WWOX: variants seen among roughly 807,000 people sequenced by gnomAD.
The protein encoded by WWOX is WW domain-containing oxidoreductase.
In WWOX, 69 loss-of-function variants were observed where a neutral mutation model predicts 46.2. That is an observed-to-expected ratio of 1.49 (90% CI 1.23 to 1.82). The LOEUF is 1.82. Among genes scored for constraint, WWOX ranks in the 40% most tolerant of loss-of-function variants. The probability of loss-of-function intolerance (pLI) is 0.00; values close to 1 mark genes in which losing one functional copy is unlikely to be tolerated. For synonymous variants in WWOX, 359 were observed against 202.6 expected (o/e 1.77, Z -6.56); for missense variants, 919 against 542.6 (o/e 1.69, Z -6.89).
At chr16:79,085,646 A>G (rs975551538) in intron 8 of WWOX, among the ~76,000 whole-genome samples, 8 of 152,346 alleles carry the variant, frequency 5.3e-5, no homozygotes, top group African/African-American at 1.9e-4. Flanking sequence ...TTTCAAAATT[A>G]TATCATCTTT....
intron 8 of WWOX, among the ~76,000 whole-genome samples, chr16:78,444,749 C>T (rs1476052144): frequency 6.6e-6 from 1 of 152,038 alleles, no homozygotes; most frequent in East Asian, 1.9e-4. Flanking sequence ...CCAGGATGGT[C>T]TCGATCTCCT....
chr16:78,832,967 C>G (rs1243825933), intron 8 of WWOX, among the ~76,000 whole-genome samples: 1 of 151,790 alleles, frequency 6.6e-6, no homozygotes, highest in Non-Finnish European at 1.5e-5. Context: ...GCTATGTCCC[C>G]ATTGGTGTTA....
intron 8 of WWOX, among the ~76,000 whole-genome samples, chr16:79,130,255 T>C (rs1193606200): frequency 6.6e-6 from 1 of 152,190 alleles, no homozygotes; most frequent in Non-Finnish European, 1.5e-5. Context: ...GGGGACAAAA[T>C]AATTTCTATA....
chr16:78,564,509 TA>T (rs1450655126), intron 8 of WWOX, among the ~76,000 whole-genome samples: 3 of 152,164 alleles, frequency 2.0e-5, no homozygotes, highest in Non-Finnish European at 2.9e-5. Flanking sequence ...TGGCAGGATC[TA>T]ATGGGAGGGG....
At chr16:78,411,504 G>C (rs1026730734) in intron 6 of WWOX, among the ~76,000 whole-genome samples, 7 of 152,186 alleles carry the variant, frequency 4.6e-5, no homozygotes, top group African/African-American at 1.7e-4. Context: ...CCATGGGGCA[G>C]TGGATGATTC....
chr16:78,647,377 T>A (rs2046868191), intron 8 of WWOX, among the ~76,000 whole-genome samples: 1 of 152,202 alleles, frequency 6.6e-6, no homozygotes, highest in African/African-American at 2.4e-5. Context: ...GGAGACTGGC[T>A]GCTGGTTCTC....
At chr16:78,829,805 C>G (rs908988126) in intron 8 of WWOX, among the ~76,000 whole-genome samples, 1 of 152,138 alleles carries the variant, frequency 6.6e-6, no homozygotes, top group Non-Finnish European at 1.5e-5. Context: ...AATTGGAACT[C>G]CTAATTCCAG....
chr16:78,663,856 A>T (rs547292190), intron 8 of WWOX, among the ~76,000 whole-genome samples: 1 of 152,192 alleles, frequency 6.6e-6, no homozygotes, highest in Non-Finnish European at 1.5e-5. Context: ...CCTGGGGTGG[A>T]AACACACTCG....
chr16:78,694,511 T>G (rs374806885), intron 8 of WWOX, among the ~76,000 whole-genome samples: 2 of 152,228 alleles, frequency 1.3e-5, no homozygotes, highest in East Asian at 1.9e-4. Context: ...CCATTTGAAA[T>G]TCAGTGCAAA....
chr16:78,671,042 A>G (rs976074802), intron 8 of WWOX, among the ~76,000 whole-genome samples: 1 of 152,148 alleles, frequency 6.6e-6, no homozygotes, highest in Non-Finnish European at 1.5e-5. Context: ...AGAGCCTGCA[A>G]GCATTTCTCC....
At chr16:78,104,010 C>T (rs775768084) in intron 1 of WWOX, among the ~76,000 whole-genome samples, 1 of 152,108 alleles carries the variant, frequency 6.6e-6, no homozygotes, top group African/African-American at 2.4e-5. Flanking sequence ...GGCCTTTCTT[C>T]TACCCCTCTC....
chr16:78,741,857 A>T (rs1290965471), intron 8 of WWOX, among the ~76,000 whole-genome samples: 1 of 152,256 alleles, frequency 6.6e-6, no homozygotes, highest in African/African-American at 2.4e-5. Context: ...GCTGTCTCAA[A>T]TAAATACATA....
At chr16:78,886,637 AAC>A (rs936510173) in intron 8 of WWOX, among the ~76,000 whole-genome samples, 1 of 87,428 alleles carries the variant, frequency 1.1e-5, no homozygotes, top group Admixed American at 1.0e-4. Context: ...TACAAAGAAA[AAC>A]ATATATATAT....
intron 4 of WWOX, among the ~76,000 whole-genome samples, chr16:78,135,772 A>G (rs1006680197): frequency 6.6e-6 from 1 of 152,188 alleles, no homozygotes; most frequent in African/African-American, 2.4e-5. Context: ...GGAAAATGAC[A>G]TGTCGATCTG....
chr16:78,181,391 A>G (rs1179787676), intron 5 of WWOX, among the ~76,000 whole-genome samples: 1 of 152,196 alleles, frequency 6.6e-6, no homozygotes, highest in East Asian at 1.9e-4. Context: ...AATCAGAAAG[A>G]AATTGTCTAA....
At chr16:78,488,347 G>A (rs1244218098) in intron 8 of WWOX, among the ~76,000 whole-genome samples, 2 of 152,042 alleles carry the variant, frequency 1.3e-5, no homozygotes, top group African/African-American at 4.8e-5. Context: ...CTAGGTGGCT[G>A]AGTTCATTTT....
At chr16:78,498,278 C>T (rs117856896) in intron 8 of WWOX, among the ~76,000 whole-genome samples, 3,907 of 151,588 alleles carry the variant, frequency 0.026, 66 homozygotes, top group Middle Eastern at 0.093. Flanking sequence ...TGCTGTTAGA[C>T]TTCTTAAAGC....
chr16:79,132,880 C>T (rs558777509), intron 8 of WWOX, among the ~76,000 whole-genome samples: 1 of 152,230 alleles, frequency 6.6e-6, no homozygotes, highest in East Asian at 1.9e-4. Flanking sequence ...TGCTTCAAAC[C>T]ACGATTTAAA....
chr16:78,679,435 C>G (rs547589053), intron 8 of WWOX, among the ~76,000 whole-genome samples: 6 of 152,148 alleles, frequency 3.9e-5, no homozygotes, highest in Non-Finnish European at 8.8e-5. Context: ...CCTGTAATCC[C>G]AGCTACTTGT....
Sources: gnomAD v4.1 joint callset for allele counts (sites outside exome capture counted in the v4.1 genomes callset) on GRCh38, gnomAD v4.1.1 for gene constraint, MANE v1.5 for transcripts, NCBI Gene and HGNC (gene_info 2026-07-23, HGNC 2026-07-21) for gene names.